SRGAP3: variants seen among roughly 807,000 people sequenced by gnomAD.
The protein encoded by SRGAP3 is SLIT-ROBO Rho GTPase-activating protein 3.
In SRGAP3, 39 loss-of-function variants were observed where a neutral mutation model predicts 121.1. That is an observed-to-expected ratio of 0.32 (90% CI 0.25 to 0.42). SRGAP3 has a LOEUF of 0.42. SRGAP3 is among the 10% of genes least tolerant of loss of function. The pLI is 1.00. For missense variants in SRGAP3, 1,213 were observed against 1,470.6 expected (o/e 0.82, Z 2.86); for synonymous variants, 601 against 570.0 (o/e 1.05, Z -0.77).
rs541940326 is a variant in SRGAP3, at chr3:9,264,972, T to C, written n.442+61038A>G. Among the ~76,000 whole-genome samples the C allele has an allele frequency of 1.1e-3, 174 of 152,296 alleles. 1 individual carries two copies. The highest frequency in any genetic ancestry group is 4.2e-3 in the African/African-American group (173 of 41,554). ...GGCATCACGCTACCTGACTTCAAAT[T>C]ATACTACAAGGCTACAGTAACCAAA... On this transcript the variant is annotated intron_variant and non_coding_transcript_variant, in intron 3 of 3. Coordinates refer to the SRGAP3 transcript ENST00000490889.
intron 4 of SRGAP3, among the ~76,000 whole-genome samples, chr3:9,071,196 G>A (rs78931243): frequency 0.019 from 2,830 of 152,228 alleles, 99 homozygotes; most frequent in African/African-American, 0.066. Flanking sequence ...TTCTCCCCAA[G>A]GGACTCCTCC....
At chr3:9,164,352 G>A (rs544945764) in intron 1 of SRGAP3, among the ~76,000 whole-genome samples, 2 of 151,168 alleles carry the variant, frequency 1.3e-5, no homozygotes, top group East Asian at 3.9e-4. Context: ...GTGCAATGGT[G>A]TGATCTCAGC....
At chr3:9,199,978 C>A (rs1443778121) in intron 1 of SRGAP3, among the ~76,000 whole-genome samples, 1 of 152,168 alleles carries the variant, frequency 6.6e-6, no homozygotes, top group African/African-American at 2.4e-5. Flanking sequence ...TTCAGAAAGG[C>A]CTTATGAATT....
chr3:9,096,978 T>TATAC (rs1243646295), intron 3 of SRGAP3, among the ~76,000 whole-genome samples: 4 of 81,006 alleles, frequency 4.9e-5, no homozygotes, highest in Non-Finnish European at 7.2e-5. Flanking sequence ...TATATATATA[T>TATAC]ATACACATAC....
chr3:9,118,365 T>C (rs1003255628), intron 2 of SRGAP3, among the ~76,000 whole-genome samples: 4 of 152,204 alleles, frequency 2.6e-5, no homozygotes, highest in Admixed American at 6.5e-5. Flanking sequence ...TCTGTGTTCA[T>C]GGAGCTGCCA....
At chr3:9,116,910 T>C (rs419528) in intron 2 of SRGAP3, among the ~76,000 whole-genome samples, 60,301 of 152,136 alleles carry the variant, frequency 0.4, 14,088 homozygotes, top group African/African-American at 0.65. Context: ...ACATTTCCCA[T>C]GAAGGTGCAA....
chr3:9,333,451 G>A (rs1306916667), intron 1 of SRGAP3, among the ~76,000 whole-genome samples: 2 of 152,000 alleles, frequency 1.3e-5, no homozygotes, highest in African/African-American at 4.8e-5. Flanking sequence ...TGTTCCCTTT[G>A]TTGATTTCAA....
chr3:9,309,720 G>A (rs1955212002), intron 3 of SRGAP3, among the ~76,000 whole-genome samples: 1 of 152,142 alleles, frequency 6.6e-6, no homozygotes, highest in Non-Finnish European at 1.5e-5. Flanking sequence ...TCAGACAGAT[G>A]TGAGGGCACA....
In SRGAP3 at chr3:9,307,984, G is replaced by A. The variant is rs375543548; in HGVS notation, n.442+18026C>T. Among the ~76,000 whole-genome samples the A allele has an allele frequency of 4.1e-3, 617 of 152,306 alleles. 4 individuals are homozygous for A. The highest frequency in any genetic ancestry group is 0.014 in the African/African-American group (578 of 41,578). On this transcript the variant is annotated intron_variant and non_coding_transcript_variant, in intron 3 of 3. Transcript: ENST00000490889. ...AGCCTGGCCAATATGGCGAAACCCC[G>A]TCTCTACTAAAAATACAAAAATTAG...
At chr3:8,993,191 C>A in intron 19 of SRGAP3, 136 bp from the exon 20 acceptor site, 1 of 1,382,778 alleles carries the variant, frequency 7.2e-7, no homozygotes. Flanking sequence ...CTTGCTAGGC[C>A]ACTGCCCACT....
intron 18 of SRGAP3, among the ~76,000 whole-genome samples, chr3:9,004,514 A>G (rs341797): frequency 0.58 from 87,731 of 152,052 alleles, 25,700 homozygotes; most frequent in African/African-American, 0.67. Flanking sequence ...TCCCAATTTC[A>G]AAGCTTACTA....
chr3:8,982,456 A>G lies in SRGAP3; in HGVS notation c.*3063T>C, dbSNP rs181803678. On this transcript the variant is annotated 3_prime_UTR_variant, in exon 22 of 22. Transcript: ENST00000383836. ...TGTACAGTTAGGTATTTGTTTTTAC[A>G]TTGATCTATCTACTAGGTGCAAAGA... 6 of 223,434 alleles carry G rather than the reference A, an allele frequency of 2.7e-5. No individual in the cohort carries two copies. The Admixed American group carries it at 2.9e-4, about 11-fold the overall frequency. 13.8% of individuals were successfully genotyped at this position (223,434 alleles called of 1,614,324 possible). A position where few individuals can be genotyped will look rare whatever the true frequency, so the allele number is the denominator to read the frequency against.
intron 1 of SRGAP3, among the ~76,000 whole-genome samples, chr3:9,180,928 AG>A (rs1372294211): frequency 1.1e-4 from 17 of 152,214 alleles, no homozygotes; most frequent in African/African-American, 3.9e-4. Flanking sequence ...CAGTCTCACC[AG>A]AAAGTCCAGC....
Position 9,026,030 on chromosome 3 carries a change from G to T in SRGAP3, c.1601-692C>A, listed in dbSNP as rs570977729. 3.4e-4 allele frequency among the ~76,000 whole-genome samples: 52 copies of T among 152,224 alleles called. 1 individual carries two copies. In the South Asian group the frequency reaches 7.5e-3, roughly 22 times the overall value. On this transcript the variant is annotated intron_variant, in intron 13 of 21. Transcript: ENST00000383836. Reference sequence around the variant, plus strand: ...ACAATATTGAACTTCTGCCACCCAAGTCTCTGATCCCATCTTCCTGGCTCC... The same window carrying T: ...ACAATATTGAACTTCTGCCACCCAATTCTCTGATCCCATCTTCCTGGCTCC...
At chr3:9,291,634 ACG>A (rs1346757218) in intron 3 of SRGAP3, among the ~76,000 whole-genome samples, 33 of 143,552 alleles carry the variant, frequency 2.3e-4, no homozygotes, top group African/African-American at 4.7e-4. Context: ...ACACACACAC[ACG>A]CACACACATT....
intron 1 of SRGAP3, among the ~76,000 whole-genome samples, chr3:9,344,833 A>G (rs11706856): frequency 0.083 from 12,580 of 152,040 alleles, 681 homozygotes; most frequent in Admixed American, 0.16. Flanking sequence ...TCAGGAAATC[A>G]AGACCATCCT....
rs555094321 is a variant in SRGAP3 at position 9,180,035 on chromosome 3, G to A, written c.68-55118C>T. Among the ~76,000 whole-genome samples, 10 of 152,356 alleles carry A rather than the reference G, an allele frequency of 6.6e-5. No homozygotes were observed. In the East Asian group the frequency reaches 1.7e-3, roughly 26 times the overall value. The stretch of plus-strand genomic sequence containing the variant: ...CTTCTGGGGCATCCCCATTGCACTC[G>A]GCACAGTGCAGGAACACATGATGTG... On this transcript the variant is annotated intron_variant, in intron 1 of 21. Transcript: ENST00000383836.
intron 2 of SRGAP3, among the ~76,000 whole-genome samples, chr3:9,117,795 A>C (rs1420892821): frequency 6.6e-6 from 1 of 152,128 alleles, no homozygotes; most frequent in Admixed American, 6.5e-5. Flanking sequence ...ACTAGGTCTC[A>C]AGAAGTGCTA....
At chr3:9,353,489 A>G (rs543246099) in intron 1 of SRGAP3, among the ~76,000 whole-genome samples, 5 of 152,366 alleles carry the variant, frequency 3.3e-5, no homozygotes, top group African/African-American at 1.2e-4. Context: ...CAAGGAGAAG[A>G]ATAAATTTCA....
Sources: gnomAD v4.1 joint callset for allele counts (sites outside exome capture counted in the v4.1 genomes callset) on GRCh38, gnomAD v4.1.1 for gene constraint, MANE v1.5 for transcripts, NCBI Gene and HGNC (gene_info 2026-07-23, HGNC 2026-07-21) for gene names.